Variants in GGNBP2 observed in about 807,000 individuals in gnomAD.
The protein encoded by GGNBP2 is gametogenetin-binding protein 2.
GGNBP2 carries 10 observed loss-of-function variants against 85.9 expected under a neutral mutation model. The observed-to-expected ratio is 0.12, with a 90% confidence interval of 0.07 to 0.20. The LOEUF is 0.20. GGNBP2 is among the 10% of genes least tolerant of loss of function. The pLI, the probability that GGNBP2 is intolerant of heterozygous loss-of-function variation, is 1.00. For missense variants in GGNBP2, 595 were observed against 857.8 expected (o/e 0.69, Z 3.83); for synonymous variants, 287 against 285.7 (o/e 1.00, Z -0.05).
intron 9 of GGNBP2, among the ~76,000 whole-genome samples, chr17:36,582,650 C>T (rs1189959528): frequency 6.6e-6 from 1 of 152,126 alleles, no homozygotes; most frequent in Non-Finnish European, 1.5e-5. Flanking sequence ...CTACTGTAGT[C>T]TGTATAAGCC....
Position 36,585,288 on chromosome 17 carries a change from T to C in GGNBP2, c.1216-12T>C, listed in dbSNP as rs777169189. ...AAAGCTCTTGACTCTCTCTTAATGT[T>C]GATCCTTAAAGGAAACAGACTTCAT... On this transcript the variant is annotated splice_polypyrimidine_tract_variant and intron_variant, in intron 9 of 13. Coordinates refer to ENST00000613102, the MANE Select transcript of GGNBP2 (RefSeq NM_024835.5). 4 of 1,608,974 alleles carry C rather than the reference T, an allele frequency of 2.5e-6. No individual in the cohort carries two copies. The South Asian group carries it at 4.5e-5, about 18-fold the overall frequency.
At chr17:36,547,287 A>G (rs1033153988) in intron 2 of GGNBP2, 2 of 152,214 alleles carry the variant, frequency 1.3e-5, no homozygotes, top group African/African-American at 4.8e-5. Flanking sequence ...CCCTGCTAAC[A>G]TAAACACTTT....
Position 36,560,862 on chromosome 17 carries a change from A to G in GGNBP2, c.518A>G (p.Lys173Arg). ...CACTCCTTAGATACGCACAAGCCAA[A>G]ACCTTTGGGGTAAGTAGAATTGAAT... The part of the protein sequence containing the change: ...QLHSLDTHKP[K>R]PLGGCWMDVW... Residue 173 changes from lysine (K) to arginine (R), a missense_variant, in exon 5 of 14, where the codon AAA becomes AGA. Transcript: ENST00000613102. 6.4e-7 allele frequency: 1 copy of G among 1,572,708 alleles called. No individual in the cohort carries two copies. Among genetic ancestry groups the G allele is most frequent in the East Asian group, 2.3e-5 (1 of 44,284 alleles).
At chr17:36,580,369 G>T (rs968429871) in intron 8 of GGNBP2, among the ~76,000 whole-genome samples, 2 of 151,182 alleles carry the variant, frequency 1.3e-5, no homozygotes, top group Non-Finnish European at 2.9e-5. Flanking sequence ...CACCACGCTC[G>T]GCTAATTTTT....
chr17:36,575,224 GC>G (rs770631504), intron 6 of GGNBP2: 26 of 637,014 alleles, frequency 4.1e-5, no homozygotes, highest in Non-Finnish European at 6.6e-5. Flanking sequence ...CTCAGCCCCA[GC>G]CCCGGCCCCG....
chr17:36,549,207 GT>G (rs554924934), intron 2 of GGNBP2, among the ~76,000 whole-genome samples: 11,294 of 147,040 alleles, frequency 0.077, 693 homozygotes, highest in African/African-American at 0.18. Flanking sequence ...AAGAATTAAA[GT>G]TTTTTTTTTT....
chr17:36,587,126 G>A lies in GGNBP2; in HGVS notation c.1771G>A (p.Gly591Ser), dbSNP rs150215940. 6.8e-6 allele frequency: 11 copies of A among 1,613,928 alleles called. No individual in the cohort carries two copies. The highest frequency in any genetic ancestry group is 6.7e-5 in the African/African-American group (5 of 74,844). The change falls in exon 13 of 14, where the codon GGT becomes AGT. Residue 591 changes from glycine to serine, a missense_variant. Gly to Ser is a moderately conservative substitution (Grantham distance 56). This residue lies in a region of GGNBP2 where 120 missense variants were observed against 126.3 expected (regional missense o/e 0.95). Transcript: ENST00000613102. ...TGAAAGCTGTTGCAGCTCTGAAAAGGGTGGGCAGCCATTGCCTTGGTTTGA... is the reference window on the plus strand; with the variant it reads ...TGAAAGCTGTTGCAGCTCTGAAAAGAGTGGGCAGCCATTGCCTTGGTTTGA... ...HPESCCSSEK[G>S]GQPLPWFEHR...
intron 13 of GGNBP2, among the ~76,000 whole-genome samples, 179 bp from the exon 14 acceptor site, chr17:36,589,029 C>G (rs1485267662): frequency 6.6e-6 from 1 of 152,144 alleles, no homozygotes; most frequent in Non-Finnish European, 1.5e-5. Flanking sequence ...GGATTTTATT[C>G]TCACTACTTT....
chr17:36,568,478 G>T (rs988041201), intron 6 of GGNBP2, among the ~76,000 whole-genome samples: 2 of 152,002 alleles, frequency 1.3e-5, no homozygotes, highest in Non-Finnish European at 2.9e-5. Flanking sequence ...TGTATTTTTA[G>T]TAGAGACGGG....
intron 2 of GGNBP2, among the ~76,000 whole-genome samples, chr17:36,550,203 G>A (rs967769559): frequency 1.3e-5 from 2 of 152,158 alleles, no homozygotes; most frequent in African/African-American, 4.8e-5. Context: ...CTCCCAAAGT[G>A]GTGGGATTAC....
chr17:36,563,150 T>A (rs1384947133), intron 5 of GGNBP2, among the ~76,000 whole-genome samples: 1 of 149,316 alleles, frequency 6.7e-6, no homozygotes, highest in Non-Finnish European at 1.5e-5. Context: ...CTTGTAATCT[T>A]AGCTACTTGG....
intron 3 of GGNBP2, among the ~76,000 whole-genome samples, chr17:36,556,202 C>T (rs1360008624): frequency 6.6e-6 from 1 of 152,140 alleles, no homozygotes; most frequent in East Asian, 1.9e-4. Flanking sequence ...CTTGTCATAA[C>T]CAGCAGATAC....
Position 36,574,697 on chromosome 17 carries a change from A to G in GGNBP2, c.642-3286A>G, listed in dbSNP as rs117031665. ...GTAGCAGTCATCAATACCAGCCATC[A>G]TAAGCAGCTTCTTGGGTACAGGCAC... On this transcript the variant is annotated intron_variant, in intron 6 of 13. Transcript: ENST00000613102. 4.2e-3 allele frequency: 2,692 copies of G among 634,826 alleles called. 72 individuals are homozygous for G. The East Asian group carries it at 0.057, about 13-fold the overall frequency. The allele number at this position is 634,826 out of a possible 1,614,324, so 39.3% of individuals were successfully genotyped here.
At chr17:36,557,033 AT>A (rs1243886915) in intron 3 of GGNBP2, 49 bp from the exon 4 acceptor site, 1 of 1,607,560 alleles carries the variant, frequency 6.2e-7, no homozygotes, top group Non-Finnish European at 8.5e-7. Flanking sequence ...TGAAAGTGTA[AT>A]TTTACGTCTT....
chr17:36,586,507 T>G (rs2074703127), intron 12 of GGNBP2: 1 of 347,766 alleles, frequency 2.9e-6, no homozygotes, highest in Non-Finnish European at 5.3e-6. Flanking sequence ...GAAGGTGAAG[T>G]GAATGTATAT....
At chr17:36,567,448 A>G (rs2074479745) in intron 5 of GGNBP2, among the ~76,000 whole-genome samples, 1 of 152,186 alleles carries the variant, frequency 6.6e-6, no homozygotes, top group Admixed American at 6.5e-5. Flanking sequence ...ACTACGGTGA[A>G]GGGAGCAGTA....
At position 36,589,361 on chromosome 17, in the gene GGNBP2, C is replaced by T; in HGVS notation, c.2044C>T (p.His682Tyr). The change falls in exon 14 of 14, where the codon CAC becomes TAC. Residue 682 changes from histidine to tyrosine, a missense_variant. By Grantham distance (83) the His-to-Tyr change is moderately conservative (BLOSUM62 2). Around this residue, in one of 9 missense-constraint regions of GGNBP2, gnomAD observed 26 missense variants for 26.9 expected, o/e 0.97. Transcript: ENST00000613102. ...TAATAAATACTGCCGGTTAAATGAT[C>T]ACAAGAGGCCCATTTGTAGTGGCTG... is the stretch of plus-strand genomic sequence containing the variant. ...KFNKYCRLNDHKRPICSGWLT... is the reference protein window; with the variant it reads ...KFNKYCRLNDYKRPICSGWLT... The T allele has an allele frequency of 6.2e-7, 1 of 1,614,022 alleles. No homozygotes were observed. Among genetic ancestry groups the T allele is most frequent in the Non-Finnish European group, 8.5e-7 (1 of 1,179,944 alleles).
At chr17:36,588,260 T>C (rs1291026932) in intron 13 of GGNBP2, among the ~76,000 whole-genome samples, 1 of 152,144 alleles carries the variant, frequency 6.6e-6, no homozygotes, top group Non-Finnish European at 1.5e-5. Context: ...CTAGCTTTTT[T>C]CTTTTTCTTT....
chr17:36,575,640 A>ATTTTTTTTTT (rs1247915817), intron 6 of GGNBP2, among the ~76,000 whole-genome samples: 1 of 50,064 alleles, frequency 2.0e-5, no homozygotes, highest in Admixed American at 2.0e-4. Context: ...ATATATATAT[A>ATTTTTTTTTT]TATATATATT....
Sources: allele counts gnomAD v4.1 joint callset (sites outside exome capture counted in the v4.1 genomes callset), GRCh38; gene constraint gnomAD v4.1.1; regional missense constraint gnomAD v4.1.1; transcripts MANE v1.5; gene names NCBI Gene and HGNC (gene_info 2026-07-23, HGNC 2026-07-21).